Variants in COL6A3 observed in about 807,000 individuals in gnomAD.
COL6A3 encodes the protein collagen alpha-3(VI) chain.
Under a neutral mutation model 274.1 loss-of-function variants are expected in COL6A3, and 137 were observed. The observed-to-expected ratio is 0.50, with a 90% confidence interval of 0.44 to 0.58. The LOEUF (loss-of-function observed/expected upper bound fraction) is 0.58. Among genes scored for constraint, COL6A3 ranks in the 20% least tolerant of loss-of-function variants. COL6A3 has a pLI of 0.00. For missense variants in COL6A3, 3,950 were observed against 4,124.9 expected (o/e 0.96, Z 1.16); for synonymous variants, 1,650 against 1,650.6 (o/e 1.00, Z 0.01).
intron 1 of COL6A3, among the ~76,000 whole-genome samples, chr2:237,409,163 CA>C (rs2078792059): frequency 6.6e-6 from 1 of 152,186 alleles, no homozygotes; most frequent in Non-Finnish European, 1.5e-5. Context: ...GTGGAGAAAC[CA>C]TCCACCAAGG....
chr2:237,332,287 AG>A (rs1700304372), intron 42 of COL6A3, among the ~76,000 whole-genome samples: 1 of 151,234 alleles, frequency 6.6e-6, no homozygotes, highest in South Asian at 2.1e-4. Context: ...TCTGATCTCT[AG>A]TTTACTCCAA....
In COL6A3 at chr2:237,369,000, A is replaced by G. The variant is rs765207404; in HGVS notation, c.4463T>C (p.Phe1488Ser). 1 of 1,614,184 alleles carries G rather than the reference A, an allele frequency of 6.2e-7. No individual in the cohort carries two copies. The highest frequency in any genetic ancestry group is 1.7e-5 in the Admixed American group (1 of 60,028). Residue 1488 changes from phenylalanine to serine, a missense_variant, in exon 10 of 44, where the codon TTC becomes TCC. By Grantham distance (155) the Phe-to-Ser change is radical (BLOSUM62 -2). This residue lies in a region of COL6A3 where 1,934 missense variants were observed against 1,984.3 expected (regional missense o/e 0.97). Transcript: ENST00000295550. The surrounding 1 kb of genome is among the most constrained non-coding windows in gnomAD (Gnocchi z 4.4). ...VQFSNDVFPE[F>S]YLKTYRSQAP... ...CTGGGATCTGTAGGTTTTCAGATAG[A>G]ATTCTGGGAAGACATCATTGCTGAA...
At chr2:237,381,594 C>G (rs768902611) in intron 4 of COL6A3, 95 bp from the exon 5 acceptor site, 3 of 1,070,090 alleles carry the variant, frequency 2.8e-6, no homozygotes, top group Non-Finnish European at 4.2e-6. Context: ...AAAGGACACC[C>G]TCATTTACTG....
chr2:237,366,396 T>G (rs1039315654), intron 11 of COL6A3, among the ~76,000 whole-genome samples: 4 of 152,164 alleles, frequency 2.6e-5, no homozygotes, highest in African/African-American at 4.8e-5. Context: ...ATCTAATAAA[T>G]CTATAATTAG....
chr2:237,379,035 A>C lies in COL6A3; in HGVS notation c.2098T>G (p.Ser700Ala), dbSNP rs1371049041. The change falls in exon 6 of 44, where the codon TCA (serine) becomes GCA (alanine). Residue 700 changes from serine (S) to alanine (A), a missense_variant. Physicochemically the swap from Ser to Ala is moderately conservative, Grantham distance 99. Transcript: ENST00000295550. ...EFSLNTYQTK[S>A]DILGHLRQLQ... ...TGCCTCAGATGACCAAGGATATCTG[A>C]CTTGGTCTGGTATGTGTTTAAAGAG... 1.2e-6 allele frequency: 2 copies of C among 1,614,076 alleles called. No individual in the cohort carries two copies. Among genetic ancestry groups the C allele is most frequent in the Admixed American group, 1.7e-5 (1 of 60,012 alleles).
At chr2:237,402,318 G>A (rs755557126) in intron 1 of COL6A3, among the ~76,000 whole-genome samples, 6 of 152,112 alleles carry the variant, frequency 3.9e-5, no homozygotes, top group South Asian at 4.1e-4. Context: ...CACAAGGTGC[G>A]TATAGTTAAC....
chr2:237,342,514 T>A (rs2077008440), intron 36 of COL6A3: 1 of 281,630 alleles, frequency 3.6e-6, no homozygotes, highest in Non-Finnish European at 6.9e-6. Flanking sequence ...AGGAACTTAA[T>A]CTTATCGTTA....
intron 31 of COL6A3, among the ~76,000 whole-genome samples, chr2:237,346,884 G>A (rs529514917): frequency 6.6e-6 from 1 of 151,990 alleles, no homozygotes; most frequent in Non-Finnish European, 1.5e-5. Context: ...GTAACAGACA[G>A]TGAATTAGCT....
Position 237,350,216 on chromosome 2 carries a change from A to G in COL6A3, c.6817-7T>C. On this transcript the variant is annotated splice_region_variant and splice_polypyrimidine_tract_variant and intron_variant, in intron 27 of 43. Transcript: ENST00000295550. ...CTGGCTCTCCGGGCTCACCCTAGAC[A>G]TGAGAAACATGGCTGAGACCCTGTG... 6.2e-7 allele frequency: 1 copy of G among 1,614,078 alleles called. No homozygotes were observed. Among genetic ancestry groups the G allele is most frequent in the Non-Finnish European group, 8.5e-7 (1 of 1,179,940 alleles).
chr2:237,330,683 G>C (rs1306447738), intron 42 of COL6A3, among the ~76,000 whole-genome samples: 2 of 152,094 alleles, frequency 1.3e-5, no homozygotes, highest in Non-Finnish European at 2.9e-5. Flanking sequence ...TCTTATGGAG[G>C]ACAAAAAATG....
chr2:237,380,387 A>G (rs778359781), intron 5 of COL6A3, among the ~76,000 whole-genome samples: 1 of 152,262 alleles, frequency 6.6e-6, no homozygotes, highest in Non-Finnish European at 1.5e-5. Flanking sequence ...TTGAAGAACC[A>G]CTAGGTTTGA....
At chr2:237,370,309 G>T (rs1421594192) in intron 9 of COL6A3, among the ~76,000 whole-genome samples, 2 of 151,460 alleles carry the variant, frequency 1.3e-5, no homozygotes, top group Non-Finnish European at 2.9e-5. Flanking sequence ...CGCAATCTCG[G>T]CTCACTGCAA....
intron 1 of COL6A3, among the ~76,000 whole-genome samples, chr2:237,403,995 A>G (rs2078660779): frequency 6.6e-6 from 1 of 151,968 alleles, no homozygotes; most frequent in African/African-American, 2.4e-5. Context: ...TGCAATATCT[A>G]ATTTTTTGTA....
intron 26 of COL6A3, among the ~76,000 whole-genome samples, chr2:237,351,509 T>C (rs1024413133): frequency 6.6e-6 from 1 of 152,252 alleles, no homozygotes; most frequent in Admixed American, 6.5e-5. Context: ...AGATTTTATG[T>C]GACTTTATTC....
chr2:237,356,440 C>T (rs1284246843), intron 23 of COL6A3, among the ~76,000 whole-genome samples: 4 of 152,144 alleles, frequency 2.6e-5, no homozygotes, highest in Non-Finnish European at 5.9e-5. Flanking sequence ...ATTTTCAAAG[C>T]AAAATGATGC....
At position 237,411,877 on chromosome 2, in the gene COL6A3, CG is replaced by C. The variant is rs1559298961; in HGVS notation, c.-31+2075del. Among the ~76,000 whole-genome samples the C allele has an allele frequency of 3.3e-5, 5 of 152,208 alleles. No homozygotes were observed. The Middle Eastern group carries it at 0.014, about 417-fold the overall frequency. Reference sequence around the variant, plus strand: ...CGCTCCCTGCCAAGCAGGGAAAGAGCGGGGCCAAGGGCTAACATTCTAGAGG... The same window carrying C: ...CGCTCCCTGCCAAGCAGGGAAAGAGCGGGCCAAGGGCTAACATTCTAGAGG... On this transcript the variant is annotated intron_variant, in intron 1 of 43. Transcript: ENST00000295550.
rs112451272 is a variant in COL6A3 at position 237,347,884 on chromosome 2, G to A, written c.6967-15C>T. ...CCTGGGTTACCCTGGGAAGAAAGCC[G>A]AGAAGTGGCACAGTAAGCTTTGGAA... is the stretch of plus-strand genomic sequence containing the variant. On this transcript the variant is annotated splice_polypyrimidine_tract_variant and intron_variant, in intron 30 of 43. Transcript: ENST00000295550. 36 of 1,605,154 alleles carry A rather than the reference G, an allele frequency of 2.2e-5. No homozygotes were observed. Among genetic ancestry groups the A allele is most frequent in the Admixed American group, 8.5e-5 (5 of 58,968 alleles).
At chr2:237,411,889 C>T (rs2078865613) in intron 1 of COL6A3, among the ~76,000 whole-genome samples, 1 of 152,074 alleles carries the variant, frequency 6.6e-6, no homozygotes, top group Non-Finnish European at 1.5e-5. Flanking sequence ...GGGCCAAGGG[C>T]TAACATTCTA....
At position 237,372,000 on chromosome 2, in the gene COL6A3, G is replaced by A. The variant is rs774043703; in HGVS notation, c.4017C>T (p.Phe1339=). The part of the protein sequence containing the change: ...GSRIEEGVPQ[F]LVLISSGKSD... ...ACTTTCCAGACGAGATGAGGACCAG[G>A]AACTGCGGGACGCCCTCTTCAATGC... Residue 1339 remains phenylalanine, a synonymous_variant, in exon 9 of 44, where the codon TTC becomes TTT. Coordinates refer to ENST00000295550, the MANE Select transcript of COL6A3 (RefSeq NM_004369.4). The surrounding 1 kb of genome is among the most constrained non-coding windows in gnomAD (Gnocchi z 4.3). 2.5e-6 allele frequency: 4 copies of A among 1,614,124 alleles called. No individual in the cohort carries two copies. In the East Asian group the frequency reaches 6.7e-5, roughly 27 times the overall value.
Sources: allele counts gnomAD v4.1 joint callset (sites outside exome capture counted in the v4.1 genomes callset), GRCh38; gene constraint gnomAD v4.1.1; regional missense constraint gnomAD v4.1.1; non-coding constraint Gnocchi (gnomAD v3.1); transcripts MANE v1.5; gene names NCBI Gene and HGNC (gene_info 2026-07-23, HGNC 2026-07-21).